Variants in DLC1 observed in about 807,000 individuals in gnomAD.
DLC1 encodes DLC1 Rho GTPase activating protein.
In DLC1, 54 loss-of-function variants were observed where a neutral mutation model predicts 140.3. That is an observed-to-expected ratio of 0.38 (90% CI 0.31 to 0.48). The LOEUF (loss-of-function observed/expected upper bound fraction) is 0.48. Among genes scored for constraint, DLC1 ranks in the 20% least tolerant of loss-of-function variants. The pLI is 0.96. For missense variants in DLC1, 2,536 were observed against 1,907.0 expected, an observed-to-expected ratio of 1.33 and a Z score of -6.14; for synonymous variants, 986 against 728.1, an observed-to-expected ratio of 1.35 and a Z score of -5.70.
Position 13,238,153 on chromosome 8 carries a change from C to T in DLC1, c.1348+67116G>A, listed in dbSNP as rs541568094. 1.0e-3 allele frequency among the ~76,000 whole-genome samples: 157 copies of T among 151,934 alleles called. 1 individual carries two copies. The highest frequency in any genetic ancestry group is 3.0e-3 in the African/African-American group (125 of 41,450). ...ATGCACAGGCATGTGTGCATATATG[C>T]GTATGTTAACATATGTATTTTGAAG... On this transcript the variant is annotated intron_variant, in intron 5 of 17. Coordinates refer to ENST00000276297, the MANE Select transcript of DLC1 (RefSeq NM_182643.3).
At chr8:13,249,631 CCTTT>C (rs1829917266) in intron 5 of DLC1, among the ~76,000 whole-genome samples, 1 of 152,138 alleles carries the variant, frequency 6.6e-6, no homozygotes. Flanking sequence ...CCTATTTCTT[CCTTT>C]CTCTCTCTTT....
intron 5 of DLC1, among the ~76,000 whole-genome samples, chr8:13,118,004 C>CTTTTTTTTTTTTTTT (rs35775672): frequency 2.6e-5 from 3 of 114,978 alleles, no homozygotes; most frequent in African/African-American, 6.8e-5. Context: ...TGTTCTCTTT[C>CTTTTTTTTTTTTTTT]TTTTTTTTTT....
At chr8:13,537,690 G>C (rs945408752) in intron 1 of DLC1, among the ~76,000 whole-genome samples, 1 of 117,144 alleles carries the variant, frequency 8.5e-6, no homozygotes, top group Non-Finnish European at 1.6e-5. Context: ...GTCTCTCTCT[G>C]TCACCCAGGC....
At chr8:13,604,028 T>C (rs1368666595) in intron 1 of DLC1, among the ~76,000 whole-genome samples, 1 of 152,088 alleles carries the variant, frequency 6.6e-6, no homozygotes, top group Non-Finnish European at 1.5e-5. Context: ...ATAAAAATAT[T>C]TTTTTCTAAT....
intron 1 of DLC1, among the ~76,000 whole-genome samples, chr8:13,510,777 C>G (rs1802323007): frequency 6.6e-6 from 1 of 152,168 alleles, no homozygotes; most frequent in Admixed American, 6.5e-5. Context: ...GATGCCTATG[C>G]TTCCTTCTGG....
intron 16 of DLC1, 47 bp from the exon 17 acceptor site, chr8:13,086,510 C>T (rs1296843327): frequency 6.3e-7 from 1 of 1,597,410 alleles, no homozygotes; most frequent in Non-Finnish European, 8.5e-7. Context: ...TTCATAGAAG[C>T]CAAGTTTAAA....
chr8:13,189,086 A>G (rs1353915992), intron 5 of DLC1, among the ~76,000 whole-genome samples: 1 of 151,896 alleles, frequency 6.6e-6, no homozygotes, highest in African/African-American at 2.4e-5. Flanking sequence ...AGACTCAACA[A>G]AGTTACTTCA....
upstream of DLC1, among the ~76,000 whole-genome samples, chr8:13,517,606 G>A (rs911240912): frequency 6.6e-6 from 1 of 152,170 alleles, no homozygotes; most frequent in Non-Finnish European, 1.5e-5. Context: ...TTAGTATTGT[G>A]TCAGGAACAC....
At chr8:13,433,553 C>T (rs374165219) in intron 2 of DLC1, among the ~76,000 whole-genome samples, 12 of 152,280 alleles carry the variant, frequency 7.9e-5, no homozygotes, top group African/African-American at 2.9e-4. Flanking sequence ...ATAAGTTCCA[C>T]AAGTCTCTAA....
chr8:13,315,629 A>T (rs146127424), intron 4 of DLC1, among the ~76,000 whole-genome samples: 1 of 152,140 alleles, frequency 6.6e-6, no homozygotes, highest in East Asian at 1.9e-4. Context: ...CAGGAGCCCA[A>T]CTCAATTTCT....
At chr8:13,112,007 T>A (rs78958869) in intron 6 of DLC1, among the ~76,000 whole-genome samples, 2 of 152,176 alleles carry the variant, frequency 1.3e-5, no homozygotes, top group East Asian at 3.9e-4. Flanking sequence ...AAAATTTTAC[T>A]GGGCATGGTG....
intron 2 of DLC1, among the ~76,000 whole-genome samples, chr8:13,424,538 T>A (rs1161756061): frequency 1.3e-5 from 2 of 152,104 alleles, no homozygotes; most frequent in Non-Finnish European, 2.9e-5. Flanking sequence ...AGTATTTGCC[T>A]TAAGATCTTC....
intron 5 of DLC1, among the ~76,000 whole-genome samples, chr8:13,165,058 G>C (rs191783764): frequency 1.3e-5 from 2 of 152,210 alleles, no homozygotes. Context: ...GTTTCTGATT[G>C]GTTTCTCTTT....
intron 4 of DLC1, among the ~76,000 whole-genome samples, chr8:13,338,995 C>T (rs1833921431): frequency 6.6e-6 from 1 of 152,064 alleles, no homozygotes; most frequent in Admixed American, 6.5e-5. Context: ...AATTTTTATA[C>T]CAGAAGCACT....
intron 1 of DLC1, among the ~76,000 whole-genome samples, chr8:13,539,964 G>T (rs1484981153): frequency 6.6e-6 from 1 of 152,154 alleles, no homozygotes; most frequent in Non-Finnish European, 1.5e-5. Context: ...GAAGGGAGAC[G>T]TTATCAAATT....
Position 13,213,090 on chromosome 8 carries a change from G to A in DLC1, c.1348+92179C>T, listed in dbSNP as rs527267578. ...ATGGACTGCTCTTCATTTTAGTCTC[G>A]CTCAAAGATACAGTGAAAGACTTAA... On this transcript the variant is annotated intron_variant, in intron 5 of 17. Transcript: ENST00000276297. Among the ~76,000 whole-genome samples the A allele has an allele frequency of 3.9e-5, 6 of 152,220 alleles. No homozygotes were observed. In the South Asian group the frequency reaches 1.0e-3, roughly 26 times the overall value.
intron 4 of DLC1, among the ~76,000 whole-genome samples, chr8:13,358,772 C>T (rs994010196): frequency 5.9e-5 from 9 of 152,018 alleles, no homozygotes; most frequent in African/African-American, 1.9e-4. Context: ...TGAACCCAAG[C>T]ACTAGAGATG....
intron 3 of DLC1, among the ~76,000 whole-genome samples, chr8:13,399,197 T>TA (rs2117242578): frequency 6.6e-6 from 1 of 152,246 alleles, no homozygotes; most frequent in South Asian, 2.1e-4. Context: ...ACTTCAAAAA[T>TA]ATGTCATTAT....
chr8:13,123,973 A>G (rs994074960), intron 5 of DLC1, among the ~76,000 whole-genome samples: 16 of 152,242 alleles, frequency 1.1e-4, no homozygotes, highest in Non-Finnish European at 1.6e-4. Flanking sequence ...TATAAATATA[A>G]GTACACATTC....
Sources: allele counts gnomAD v4.1 joint callset (sites outside exome capture counted in the v4.1 genomes callset), GRCh38; gene constraint gnomAD v4.1.1; transcripts MANE v1.5; gene names NCBI Gene and HGNC (gene_info 2026-07-23, HGNC 2026-07-21).